CTNNA2: variants seen among roughly 807,000 people sequenced by gnomAD.
The protein encoded by CTNNA2 is catenin alpha-2.
In CTNNA2, 42 loss-of-function variants were observed where a neutral mutation model predicts 101.0. That is an observed-to-expected ratio of 0.42 (90% CI 0.32 to 0.54). CTNNA2 has a LOEUF of 0.54. CTNNA2 is among the 20% of genes least tolerant of loss of function. The pLI is 0.14. For synonymous variants in CTNNA2, 450 were observed against 456.4 expected (o/e 0.99, Z 0.18); for missense variants, 871 against 1,223.1 (o/e 0.71, Z 4.29).
intron 9 of CTNNA2, among the ~76,000 whole-genome samples, chr2:80,457,153 T>C (rs1684050322): frequency 6.6e-6 from 1 of 152,012 alleles, no homozygotes; most frequent in South Asian, 2.1e-4. Context: ...AACCTCTGCC[T>C]CCCGGGTTCA....
rs573839645 is a variant in CTNNA2, at chr2:79,327,946, G to A, written c.-318+15150G>A. Among the ~76,000 whole-genome samples, 3 of 151,970 alleles carry A rather than the reference G, an allele frequency of 2.0e-5. No homozygotes were observed. In the South Asian group the frequency reaches 6.2e-4, roughly 32 times the overall value. Reference sequence around the variant, plus strand: ...GTAGGGTGTGGAGGAATGAGTCTATGTCACAAAGATGCCCTGGGCATGGGG... The same window carrying A: ...GTAGGGTGTGGAGGAATGAGTCTATATCACAAAGATGCCCTGGGCATGGGG... On this transcript the variant is annotated intron_variant, in intron 3 of 21. Transcript: ENST00000466387.
At chr2:80,447,713 G>A (rs538912164) in intron 9 of CTNNA2, among the ~76,000 whole-genome samples, 3 of 151,818 alleles carry the variant, frequency 2.0e-5, no homozygotes, top group South Asian at 2.1e-4. Context: ...GATAACTTCC[G>A]TTTAATAATC....
intron 2 of CTNNA2, among the ~76,000 whole-genome samples, chr2:79,209,640 T>C (rs905755313): frequency 3.3e-5 from 5 of 152,168 alleles, no homozygotes; most frequent in Non-Finnish European, 7.3e-5. Flanking sequence ...CAGAAATACT[T>C]TCCTGTGTTT....
intron 2 of CTNNA2, among the ~76,000 whole-genome samples, chr2:79,289,746 A>G (rs906212080): frequency 1.3e-5 from 2 of 152,192 alleles, no homozygotes; most frequent in Non-Finnish European, 2.9e-5. Context: ...CTCCATCTCA[A>G]AAAAAGAAAT....
At chr2:80,520,045 C>T (rs1362722910) in intron 9 of CTNNA2, among the ~76,000 whole-genome samples, 5 of 152,142 alleles carry the variant, frequency 3.3e-5, no homozygotes, top group African/African-American at 1.2e-4. Context: ...TTTCACCCCA[C>T]AGAGTGGAAC....
chr2:79,237,933 T>A (rs1035251210), intron 2 of CTNNA2, among the ~76,000 whole-genome samples: 1 of 151,898 alleles, frequency 6.6e-6, no homozygotes, highest in African/African-American at 2.4e-5. Flanking sequence ...ACAATAAGAC[T>A]GTTTCACTTT....
chr2:79,469,554 A>C (rs780683361), intron 4 of CTNNA2, among the ~76,000 whole-genome samples: 94 of 152,178 alleles, frequency 6.2e-4, no homozygotes, highest in South Asian at 4.1e-4. Flanking sequence ...CCCGATACCA[A>C]AGCCCAGCAG....
chr2:80,588,369 C>G lies in CTNNA2; in HGVS notation c.2008-935C>G, dbSNP rs114621836. 1.2e-3 allele frequency among the ~76,000 whole-genome samples: 179 copies of G among 152,148 alleles called. 1 individual carries two copies. Among genetic ancestry groups the G allele is most frequent in the South Asian group, 2.5e-3 (12 of 4,822 alleles). ...GCAAAAAGTACACTTGTTTACAGTA[C>G]GAGAGCTGAAAAAGGAAGGCAGAGC... On this transcript the variant is annotated intron_variant, in intron 14 of 18. Transcript: ENST00000402739.
intron 11 of CTNNA2, among the ~76,000 whole-genome samples, chr2:80,554,611 A>T (rs1434617151): frequency 6.6e-6 from 1 of 152,224 alleles, no homozygotes; most frequent in Admixed American, 6.5e-5. Context: ...GGTCTCTTTT[A>T]TAAGGACACT....
chr2:80,466,097 T>C (rs185392485), intron 9 of CTNNA2, among the ~76,000 whole-genome samples: 2 of 152,338 alleles, frequency 1.3e-5, no homozygotes, highest in African/African-American at 4.8e-5. Flanking sequence ...CAACTTGTTA[T>C]ATGTTCTTCC....
chr2:79,433,018 A>G (rs1678673620), intron 4 of CTNNA2, among the ~76,000 whole-genome samples: 1 of 152,160 alleles, frequency 6.6e-6, no homozygotes, highest in Non-Finnish European at 1.5e-5. Context: ...ACTGGAGTAA[A>G]TGCTTTAGCT....
intron 9 of CTNNA2, among the ~76,000 whole-genome samples, chr2:80,473,826 C>T (rs1239743233): frequency 6.6e-6 from 1 of 152,202 alleles, no homozygotes; most frequent in Non-Finnish European, 1.5e-5. Flanking sequence ...GGGTCCCTGA[C>T]TGGCTGCTCA....
intron 3 of CTNNA2, among the ~76,000 whole-genome samples, chr2:79,783,144 T>C (rs1674582253): frequency 6.6e-6 from 1 of 152,332 alleles, no homozygotes; most frequent in African/African-American, 2.4e-5. Context: ...ATGGAGGTTC[T>C]TTAACTTGCT....
chr2:79,749,328 G>A (rs546378342), intron 3 of CTNNA2, among the ~76,000 whole-genome samples: 16 of 152,142 alleles, frequency 1.1e-4, no homozygotes, highest in Admixed American at 3.3e-4. Flanking sequence ...TATACAGTAG[G>A]CTTATGATAG....
intron 3 of CTNNA2, among the ~76,000 whole-genome samples, chr2:79,330,070 T>C (rs929609596): frequency 6.6e-6 from 1 of 152,050 alleles, no homozygotes; most frequent in Non-Finnish European, 1.5e-5. Flanking sequence ...GAAGTAGTGG[T>C]TGTGGTGGTG....
At chr2:80,137,676 G>A (rs558183622) in intron 7 of CTNNA2, among the ~76,000 whole-genome samples, 76 of 152,102 alleles carry the variant, frequency 5.0e-4, no homozygotes, top group African/African-American at 1.4e-3. Flanking sequence ...ATACTCAGAC[G>A]TAGGACCATG....
At chr2:79,755,317 C>A (rs925912306) in intron 3 of CTNNA2, among the ~76,000 whole-genome samples, 4 of 152,090 alleles carry the variant, frequency 2.6e-5, no homozygotes, top group African/African-American at 9.7e-5. Context: ...AGTGACAAAG[C>A]AAGAGCAAAT....
chr2:79,591,287 T>C (rs1003981868), intron 1 of CTNNA2, among the ~76,000 whole-genome samples: 3 of 152,192 alleles, frequency 2.0e-5, no homozygotes, highest in African/African-American at 7.2e-5. Context: ...AAAAGATCAT[T>C]TATATGAAAA....
At chr2:79,385,036 G>C (rs1018501082) in intron 4 of CTNNA2, among the ~76,000 whole-genome samples, 1 of 152,132 alleles carries the variant, frequency 6.6e-6, no homozygotes, top group Non-Finnish European at 1.5e-5. Flanking sequence ...ACATTAACTT[G>C]ACCTATGCAT....
Sources: allele counts gnomAD v4.1 joint callset (sites outside exome capture counted in the v4.1 genomes callset), GRCh38; gene constraint gnomAD v4.1.1; transcripts MANE v1.5; gene names NCBI Gene and HGNC (gene_info 2026-07-23, HGNC 2026-07-21).